The following KCNIP1 variants were observed in gnomAD, a reference collection of about 807,000 sequenced individuals.
KCNIP1 encodes the protein potassium voltage-gated channel interacting protein 1.
Under a neutral mutation model 33.0 loss-of-function variants are expected in KCNIP1, and 18 were observed. The ratio of observed to expected loss-of-function variants is 0.55; its 90% CI spans 0.38 to 0.81. KCNIP1 has a LOEUF of 0.81. Ranked by LOEUF, KCNIP1 falls within the 30% of genes least tolerant of loss-of-function variation. KCNIP1 has a pLI of 0.00. For missense variants in KCNIP1, 238 were observed against 271.6 expected (o/e 0.88, Z 0.87); for synonymous variants, 93 against 98.3 (o/e 0.95, Z 0.32).
At chr5:170,628,584 A>G (rs1481747728) in intron 1 of KCNIP1, among the ~76,000 whole-genome samples, 2 of 152,166 alleles carry the variant, frequency 1.3e-5, no homozygotes, top group African/African-American at 4.8e-5. Flanking sequence ...AAAATGTAAT[A>G]AAATATGTGA....
At chr5:170,704,620 G>A (rs1051052577) in intron 1 of KCNIP1, among the ~76,000 whole-genome samples, 3 of 152,172 alleles carry the variant, frequency 2.0e-5, no homozygotes, top group Admixed American at 6.5e-5. Context: ...GCAGGAAGGT[G>A]GGGGGTTGTT....
At chr5:170,477,683 C>A (rs1308252053) in intron 1 of KCNIP1, among the ~76,000 whole-genome samples, 1 of 152,168 alleles carries the variant, frequency 6.6e-6, no homozygotes, top group Non-Finnish European at 1.5e-5. Flanking sequence ...ACCTTGTGAT[C>A]TGCCTGCCTC....
At chr5:170,539,958 A>G (rs1489493112) in intron 1 of KCNIP1, among the ~76,000 whole-genome samples, 3 of 152,208 alleles carry the variant, frequency 2.0e-5, no homozygotes, top group Non-Finnish European at 4.4e-5. Context: ...CAGTGCCTGC[A>G]TGCCCACACT....
In KCNIP1 at chr5:170,489,250, G is replaced by T. The variant is rs1216350225; in HGVS notation, c.88+135286G>T. 6.6e-6 allele frequency among the ~76,000 whole-genome samples: 1 copy of T among 152,228 alleles called. No individual in the cohort carries two copies. Among genetic ancestry groups the T allele is most frequent in the South Asian group, 2.1e-4 (1 of 4,832 alleles). On this transcript the variant is annotated intron_variant, in intron 1 of 7. Transcript: ENST00000377360. This position sits in a 1 kb window ranked among gnomAD's most constrained non-coding sequence, Gnocchi z 4.3. ...CACTTACCCCAAAAGATGGAGGACT[G>T]CTGGCAGAAACAGACAGAAATTTCC... is the stretch of plus-strand genomic sequence containing the variant.
chr5:170,437,080 G>T (rs1451478481), intron 1 of KCNIP1, among the ~76,000 whole-genome samples: 3 of 152,206 alleles, frequency 2.0e-5, no homozygotes, highest in African/African-American at 7.2e-5. Flanking sequence ...TTGTGGAGAA[G>T]TATAATCGGA....
At chr5:170,678,664 G>C (rs1762227919) in intron 1 of KCNIP1, 1 of 152,194 alleles carries the variant, frequency 6.6e-6, no homozygotes, top group Non-Finnish European at 1.5e-5. Context: ...ACCTCACTGG[G>C]AATGTTTTGT....
chr5:170,369,975 G>A (rs2113305286), intron 1 of KCNIP1, among the ~76,000 whole-genome samples: 1 of 152,254 alleles, frequency 6.6e-6, no homozygotes. Flanking sequence ...CTGTGGGTAG[G>A]ACCCTTTTTC....
At position 170,386,127 on chromosome 5, in the gene KCNIP1, AAAAAAAC is replaced by A. The variant is rs570652482; in HGVS notation, c.88+32177_88+32183del. 6.6e-5 allele frequency among the ~76,000 whole-genome samples: 10 copies of A among 152,178 alleles called. No homozygotes were observed. The East Asian group carries it at 1.7e-3, about 26-fold the overall frequency. On this transcript the variant is annotated intron_variant, in intron 1 of 7. Coordinates refer to the KCNIP1 transcript ENST00000377360. ...GCAACAAAGCAAGACTCCGTCAAAA[AAAAAAAC>A]AAAAAACAAAAAAAGATAAAGGCTC...
chr5:170,406,414 A>C (rs1755040625), intron 1 of KCNIP1, among the ~76,000 whole-genome samples: 1 of 152,252 alleles, frequency 6.6e-6, no homozygotes, highest in South Asian at 2.1e-4. Context: ...AATGTGGCCA[A>C]GTTACTTGAC....
chr5:170,724,232 T>C (rs1319454172), intron 5 of KCNIP1, among the ~76,000 whole-genome samples: 1 of 152,044 alleles, frequency 6.6e-6, no homozygotes, highest in East Asian at 1.9e-4. Flanking sequence ...ACAAAAAAAT[T>C]TTAGAAAATA....
At chr5:170,376,716 G>A (rs1446060999) in intron 1 of KCNIP1, 1 of 151,882 alleles carries the variant, frequency 6.6e-6, no homozygotes, top group Non-Finnish European at 1.5e-5. Flanking sequence ...CCTTTTTATG[G>A]CTGCATAATA....
At chr5:170,593,324 C>T (rs1025819332) in intron 1 of KCNIP1, among the ~76,000 whole-genome samples, 2 of 152,154 alleles carry the variant, frequency 1.3e-5, no homozygotes, top group African/African-American at 4.8e-5. Flanking sequence ...GAAGCAGAAT[C>T]CCTCTCAGGG....
intron 1 of KCNIP1, among the ~76,000 whole-genome samples, chr5:170,450,603 C>T (rs1246905118): frequency 1.3e-5 from 2 of 152,154 alleles, no homozygotes; most frequent in Non-Finnish European, 2.9e-5. Context: ...TGCTATCCAC[C>T]CACACCCCTC....
chr5:170,457,685 T>A (rs889167182), intron 1 of KCNIP1, among the ~76,000 whole-genome samples: 4 of 152,048 alleles, frequency 2.6e-5, no homozygotes, highest in African/African-American at 9.7e-5. Context: ...GACAAAAGAA[T>A]CTGAACAACA....
At chr5:170,460,983 A>G (rs1477579305) in intron 1 of KCNIP1, among the ~76,000 whole-genome samples, 1 of 152,230 alleles carries the variant, frequency 6.6e-6, no homozygotes, top group African/African-American at 2.4e-5. Context: ...TAATGTACAC[A>G]AATCAGTAGC....
intron 1 of KCNIP1, among the ~76,000 whole-genome samples, chr5:170,507,358 C>G (rs1754759669): frequency 6.6e-6 from 1 of 152,192 alleles, no homozygotes; most frequent in South Asian, 2.1e-4. Context: ...AAGGATCATG[C>G]AAGTCAAGCA....
intron 1 of KCNIP1, among the ~76,000 whole-genome samples, chr5:170,403,951 G>A (rs1427306375): frequency 6.6e-6 from 1 of 152,212 alleles, no homozygotes; most frequent in African/African-American, 2.4e-5. Context: ...CAGCTCCTAA[G>A]CTTCCCACTT....
intron 1 of KCNIP1, among the ~76,000 whole-genome samples, chr5:170,699,555 T>TCAAAA (rs1561771758): frequency 8.5e-6 from 1 of 118,222 alleles, no homozygotes; most frequent in Non-Finnish European, 1.7e-5. Context: ...AATTGCTCTG[T>TCAAAA]GAAAAAAAAA....
chr5:170,734,428 C>T (rs1161213557), intron 7 of KCNIP1, among the ~76,000 whole-genome samples: 7 of 152,106 alleles, frequency 4.6e-5, no homozygotes, highest in African/African-American at 1.7e-4. Flanking sequence ...AAACAATATC[C>T]TTGATGATTT....
Sources: allele counts gnomAD v4.1 joint callset (sites outside exome capture counted in the v4.1 genomes callset), GRCh38; gene constraint gnomAD v4.1.1; non-coding constraint Gnocchi (gnomAD v3.1); transcripts MANE v1.5; gene names NCBI Gene and HGNC (gene_info 2026-07-23, HGNC 2026-07-21).